NUMB: variants seen among roughly 807,000 people sequenced by gnomAD.
NUMB encodes the protein protein numb homolog.
Under a neutral mutation model 59.7 loss-of-function variants are expected in NUMB, and 29 were observed. The ratio of observed to expected loss-of-function variants is 0.49; its 90% CI spans 0.36 to 0.66. The LOEUF (loss-of-function observed/expected upper bound fraction) is 0.66. Among genes scored for constraint, NUMB ranks in the 30% least tolerant of loss-of-function variants. The pLI, the probability that NUMB is intolerant of heterozygous loss-of-function variation, is 0.00. For missense variants in NUMB, 723 were observed against 822.0 expected (o/e 0.88, Z 1.47); for synonymous variants, 288 against 288.2 (o/e 1.00, Z 0.01).
intron 9 of NUMB, chr14:73,285,303 A>G (rs1888914010): frequency 6.6e-6 from 1 of 152,128 alleles, no homozygotes; most frequent in Admixed American, 6.6e-5. Flanking sequence ...AACTCTCACA[A>G]TCCTTTGTAG....
chr14:73,418,772 G>A lies in NUMB; in HGVS notation c.-232-8704C>T, dbSNP rs993194918. 2.5e-4 allele frequency among the ~76,000 whole-genome samples: 34 copies of A among 138,422 alleles called. 2 individuals carry two copies. In the South Asian group the frequency reaches 5.2e-3, roughly 21 times the overall value. 90.8% of individuals were successfully genotyped at this position (138,422 alleles called of 152,430 possible). ...GACAACAAGAGCAAAACTCTGTCTCGAAAAAAAAAAAGTAACTTTTATGTA... is the reference window on the plus strand; with the variant it reads ...GACAACAAGAGCAAAACTCTGTCTCAAAAAAAAAAAAGTAACTTTTATGTA... On this transcript the variant is annotated intron_variant, in intron 1 of 12. Transcript: ENST00000555238.
chr14:73,358,602 CTTTTTTTTTTTT>C (rs35552161), intron 3 of NUMB, among the ~76,000 whole-genome samples: 1 of 118,938 alleles, frequency 8.4e-6, no homozygotes, highest in African/African-American at 3.2e-5. Context: ...GAAAGCTAGA[CTTTTTTTTTTTT>C]TTTTTTTTTT....
chr14:73,303,836 C>T (rs1362440879), intron 6 of NUMB, among the ~76,000 whole-genome samples: 1 of 151,972 alleles, frequency 6.6e-6, no homozygotes, highest in African/African-American at 2.4e-5. Context: ...ACTTTAGTAA[C>T]TTGGAATTTA....
At chr14:73,361,019 G>C (rs1894073806) in intron 3 of NUMB, among the ~76,000 whole-genome samples, 1 of 152,072 alleles carries the variant, frequency 6.6e-6, no homozygotes. Flanking sequence ...CTCCCGAGTA[G>C]CTGGAACTAT....
At position 73,320,001 on chromosome 14, in the gene NUMB, G is replaced by A. The variant is rs560737922; in HGVS notation, c.201+3129C>T. ...AAAAAAACTAGCCAGGTGTGGTGGC[G>A]GGCACCTGTAATCCCAGCTACTCGG... On this transcript the variant is annotated intron_variant, in intron 5 of 12. Transcript: ENST00000555238. Among the ~76,000 whole-genome samples the A allele has an allele frequency of 4.1e-4, 62 of 151,996 alleles. No homozygotes were observed. The South Asian group carries it at 9.4e-3, about 23-fold the overall frequency.
At chr14:73,389,015 C>T (rs1895691815) in intron 2 of NUMB, among the ~76,000 whole-genome samples, 2 of 149,532 alleles carry the variant, frequency 1.3e-5, no homozygotes, top group African/African-American at 2.5e-5. Context: ...AGAAGAATGG[C>T]GTGAGCCCGG....
At chr14:73,280,383 C>CT (rs1289182969) in intron 11 of NUMB, among the ~76,000 whole-genome samples, 1 of 151,098 alleles carries the variant, frequency 6.6e-6, no homozygotes, top group African/African-American at 2.4e-5. Context: ...TTAATTTCAA[C>CT]TTTTTTTGAA....
intron 1 of NUMB, among the ~76,000 whole-genome samples, chr14:73,443,776 G>A (rs946803415): frequency 1.3e-5 from 2 of 151,858 alleles, no homozygotes; most frequent in Non-Finnish European, 2.9e-5. Context: ...ACAGCCTCCC[G>A]AGTGGCTGGG....
chr14:73,279,452 G>C lies in NUMB; in HGVS notation c.1097-28C>G, dbSNP rs186565757. On this transcript the variant is annotated intron_variant, in intron 11 of 12. Transcript: ENST00000555238. ...ACAACGGGAGCAGACAACATCAATG[G>C]AGTTAATTCATGCAGGGTGTACAAG... 4.0e-4 allele frequency: 623 copies of C among 1,550,480 alleles called. 1 individual carries two copies. The African/African-American group carries it at 7.8e-3, about 19-fold the overall frequency.
At chr14:73,329,322 CAATGGTAGGAAACTTGTACGTGTTGT>C (rs1891831686) in intron 4 of NUMB, among the ~76,000 whole-genome samples, 1 of 152,154 alleles carries the variant, frequency 6.6e-6, no homozygotes, top group Non-Finnish European at 1.5e-5. Context: ...GTAAGTGCCA[CAATGGTAGGAAACTTGTACGTGTTGT>C]ATTCATTCAG....
At chr14:73,381,276 ATC>A (rs773777398) in intron 2 of NUMB, among the ~76,000 whole-genome samples, 2 of 152,166 alleles carry the variant, frequency 1.3e-5, no homozygotes, top group Non-Finnish European at 2.9e-5. Context: ...AACTAGATAA[ATC>A]TCTCTGTCTT....
chr14:73,370,910 T>C (rs1409998711), intron 2 of NUMB, among the ~76,000 whole-genome samples: 3 of 152,200 alleles, frequency 2.0e-5, no homozygotes, highest in African/African-American at 7.2e-5. Flanking sequence ...TTAAAGAAAA[T>C]TTGCAAAGAT....
At chr14:73,378,649 C>G (rs890898815) in intron 2 of NUMB, among the ~76,000 whole-genome samples, 3 of 152,174 alleles carry the variant, frequency 2.0e-5, no homozygotes, top group Non-Finnish European at 2.9e-5. Flanking sequence ...AAAAGCCAAT[C>G]TGAAAAGGCT....
At chr14:73,377,793 C>G (rs1444863271) in intron 2 of NUMB, among the ~76,000 whole-genome samples, 1 of 152,176 alleles carries the variant, frequency 6.6e-6, no homozygotes, top group Non-Finnish European at 1.5e-5. Flanking sequence ...ATGGCGAAAC[C>G]CTGTCTCTAC....
rs527446493 is a variant in NUMB at position 73,437,936 on chromosome 14, T to G, written c.-233+20557A>C. ...CTTAAAGGAAATGTTAATGATCATA[T>G]TTTAAATGTCCCACTAGTGACCAAA... On this transcript the variant is annotated intron_variant, in intron 1 of 12. Coordinates refer to ENST00000555238, the MANE Select transcript of NUMB (RefSeq NM_001005743.2). 4.6e-5 allele frequency among the ~76,000 whole-genome samples: 7 copies of G among 152,348 alleles called. No homozygotes were observed. The South Asian group carries it at 1.4e-3, about 32-fold the overall frequency.
chr14:73,442,230 C>A lies in NUMB; in HGVS notation c.-233+16263G>T, dbSNP rs1342566177. Among the ~76,000 whole-genome samples the A allele has an allele frequency of 2.7e-5, 4 of 150,186 alleles. No homozygotes were observed. In the East Asian group the frequency reaches 5.8e-4, roughly 22 times the overall value. The stretch of plus-strand genomic sequence containing the variant: ...AAAAGAAAGAAAAAAAAAAAACGGG[C>A]AGGAGTGGTGGTGCATGCCTATGGT... On this transcript the variant is annotated intron_variant, in intron 1 of 12. Transcript: ENST00000555238.
chr14:73,380,028 T>C (rs1005754706), intron 2 of NUMB, among the ~76,000 whole-genome samples: 1 of 152,132 alleles, frequency 6.6e-6, no homozygotes, highest in Non-Finnish European at 1.5e-5. Flanking sequence ...ATTAAATTAA[T>C]CCAGATGAGA....
chr14:73,302,654 C>G (rs112575160), intron 6 of NUMB, among the ~76,000 whole-genome samples: 11,001 of 151,792 alleles, frequency 0.072, 526 homozygotes, highest in Admixed American at 0.13. Context: ...TCAGGTGATC[C>G]GCCCACTTTA....
chr14:73,427,751 G>A (rs2140162831), intron 1 of NUMB, among the ~76,000 whole-genome samples: 1 of 152,174 alleles, frequency 6.6e-6, no homozygotes, highest in South Asian at 2.1e-4. Context: ...ACTGCTTCTG[G>A]TGCTCTCTCA....
Sources: gnomAD v4.1 joint callset for allele counts (sites outside exome capture counted in the v4.1 genomes callset) on GRCh38, gnomAD v4.1.1 for gene constraint, MANE v1.5 for transcripts, NCBI Gene and HGNC (gene_info 2026-07-23, HGNC 2026-07-21) for gene names.